Variants in DACH2 observed in about 807,000 individuals in gnomAD.
The protein encoded by DACH2 is dachshund homolog 2.
In DACH2, 17 loss-of-function variants were observed where a neutral mutation model predicts 35.8. That is an observed-to-expected ratio of 0.48 (90% CI 0.33 to 0.71). DACH2 has a LOEUF of 0.71. DACH2 is among the 30% of genes least tolerant of loss of function. DACH2 has a pLI of 0.02. For missense variants in DACH2, 469 were observed against 472.7 expected, an observed-to-expected ratio of 0.99 and a Z score of 0.07; for synonymous variants, 195 against 177.3, an observed-to-expected ratio of 1.10 and a Z score of -0.79.
intron 5 of DACH2, among the ~76,000 whole-genome samples, chrX:86,697,180 A>C (rs2148445905): frequency 8.9e-6 from 1 of 111,928 alleles, no homozygotes. Context: ...ATAAGATTAT[A>C]GAATGTTTGT....
intron 3 of DACH2, among the ~76,000 whole-genome samples, chrX:86,564,287 TCAAA>T (rs984346144): frequency 8.9e-4 from 99 of 111,542 alleles, no homozygotes; most frequent in African/African-American, 3.1e-3. Context: ...ATATTTTTTC[TCAAA>T]CAAAACAACT....
chrX:86,401,418 T>C (rs748397597), intron 2 of DACH2, among the ~76,000 whole-genome samples: 68 of 112,263 alleles, frequency 6.1e-4, no homozygotes, highest in African/African-American at 2.1e-3. Context: ...CCCAGTGAGA[T>C]GAACCCGGTA....
intron 3 of DACH2, among the ~76,000 whole-genome samples, chrX:86,534,338 A>G (rs1313980091): frequency 8.9e-6 from 1 of 112,202 alleles, no homozygotes; most frequent in Non-Finnish European, 1.9e-5. Flanking sequence ...TGTATGAACT[A>G]TTTCTGTTCA....
At chrX:86,547,345 A>G (rs963288344) in intron 3 of DACH2, among the ~76,000 whole-genome samples, 1 of 111,998 alleles carries the variant, frequency 8.9e-6, no homozygotes, top group South Asian at 3.7e-4. Context: ...ATGTATCTCT[A>G]ACAGATAGAA....
chrX:86,430,435 C>A (rs1055658118), intron 2 of DACH2, among the ~76,000 whole-genome samples: 2 of 112,390 alleles, frequency 1.8e-5, no homozygotes, highest in African/African-American at 6.4e-5. Flanking sequence ...ATTAACTTAG[C>A]TGATTAATTA....
At position 86,227,277 on chromosome X, in the gene DACH2, A is replaced by G. The variant is rs757917505; in HGVS notation, c.488+78169A>G. 3.6e-5 allele frequency among the ~76,000 whole-genome samples: 4 copies of G among 111,864 alleles called. 1 individual carries two copies. In the South Asian group the frequency reaches 1.5e-3, roughly 41 times the overall value. ...TGCCTTTTTACTACCGATTAGGGATACATGAAATATGCCATGCTGGTTTAC... is the reference window on the plus strand; with the variant it reads ...TGCCTTTTTACTACCGATTAGGGATGCATGAAATATGCCATGCTGGTTTAC... On this transcript the variant is annotated intron_variant, in intron 1 of 11. Coordinates refer to ENST00000373125, the MANE Select transcript of DACH2 (RefSeq NM_053281.3).
rs2036578427 is a variant in DACH2, at chrX:86,409,579, T to C, written c.527+32717T>C. On this transcript the variant is annotated intron_variant, in intron 2 of 11. Transcript: ENST00000373125. ...CTGCTCCTACATTCACCATGTGACA[T>C]ACCTGCTCCCCCTTTGCCATCCATC... Among the ~76,000 whole-genome samples the C allele has an allele frequency of 2.7e-5, 3 of 111,035 alleles. No homozygotes were observed. The South Asian group carries it at 1.1e-3, about 42-fold the overall frequency.
Position 86,200,620 on chromosome X carries a change from G to A in DACH2, c.488+51512G>A, listed in dbSNP as rs1243197748. On this transcript the variant is annotated intron_variant, in intron 1 of 11. Transcript: ENST00000373125. ...ACAACCCCATTGAAAAGTGGGTAAA[G>A]GACATGAACTTTTCCAAAAAAAAAA... Among the ~76,000 whole-genome samples, 4 of 78,740 alleles carry A rather than the reference G, an allele frequency of 5.1e-5. No homozygotes were observed. The South Asian group carries it at 2.2e-3, about 42-fold the overall frequency. The allele number at this position is 78,740 out of a possible 115,157, so 68.4% of individuals were successfully genotyped here.
chrX:86,806,920 G>A (rs950205171), intron 7 of DACH2, among the ~76,000 whole-genome samples: 5 of 111,646 alleles, frequency 4.5e-5, no homozygotes, highest in African/African-American at 9.8e-5. Context: ...AGTGGTGATC[G>A]GGGGTGAAGG....
chrX:86,742,964 T>C (rs1448165898), intron 7 of DACH2, among the ~76,000 whole-genome samples: 1 of 111,444 alleles, frequency 9.0e-6, no homozygotes, highest in East Asian at 2.8e-4. Flanking sequence ...AAACTTTATC[T>C]TAAGCCCTCT....
chrX:86,669,567 A>G (rs528503377), intron 4 of DACH2, among the ~76,000 whole-genome samples: 1 of 111,773 alleles, frequency 8.9e-6, no homozygotes, highest in South Asian at 3.7e-4. Context: ...CGGTATTAGA[A>G]GAAACTAAGG....
At chrX:86,613,032 C>A (rs767371817) in intron 3 of DACH2, among the ~76,000 whole-genome samples, 2 of 112,039 alleles carry the variant, frequency 1.8e-5, no homozygotes, top group South Asian at 3.7e-4. Context: ...GTTTTTCTGG[C>A]TAAATATCTA....
At chrX:86,377,350 T>A (rs1440120190) in intron 2 of DACH2, among the ~76,000 whole-genome samples, 1 of 111,595 alleles carries the variant, frequency 9.0e-6, no homozygotes, top group African/African-American at 3.2e-5. Flanking sequence ...CAGATATGTG[T>A]TGTAGGCATG....
intron 6 of DACH2, among the ~76,000 whole-genome samples, chrX:86,720,343 A>G (rs773504568): frequency 1.8e-5 from 2 of 111,533 alleles, no homozygotes; most frequent in Non-Finnish European, 3.8e-5. Flanking sequence ...ATGAGTCTGT[A>G]AAATGAAAAG....
At chrX:86,447,127 C>CT (rs1248103288) in intron 2 of DACH2, among the ~76,000 whole-genome samples, 6 of 99,362 alleles carry the variant, frequency 6.0e-5, no homozygotes, top group Non-Finnish European at 1.2e-4. Flanking sequence ...CCTTTGCCCA[C>CT]TTTTTGATGG....
At chrX:86,796,849 C>T (rs760661294) in intron 7 of DACH2, among the ~76,000 whole-genome samples, 17 of 111,498 alleles carry the variant, frequency 1.5e-4, no homozygotes, top group Non-Finnish European at 3.2e-4. Flanking sequence ...GTTCCAAAAC[C>T]TCTGGTAGTT....
At chrX:86,460,513 A>G (rs1467244331) in intron 2 of DACH2, among the ~76,000 whole-genome samples, 3 of 110,936 alleles carry the variant, frequency 2.7e-5, no homozygotes, top group Non-Finnish European at 5.7e-5. Context: ...GTGAATAAAT[A>G]TACAATTATA....
intron 1 of DACH2, among the ~76,000 whole-genome samples, chrX:86,254,807 TAGAGAGAGAG>T (rs755869488): frequency 4.0e-5 from 2 of 49,650 alleles, no homozygotes; most frequent in African/African-American, 2.3e-4. Flanking sequence ...TATATATATA[TAGAGAGAGAG>T]AGAGAGAGAG....
intron 1 of DACH2, among the ~76,000 whole-genome samples, chrX:86,306,502 T>C (rs2034691327): frequency 8.9e-6 from 1 of 111,793 alleles, no homozygotes; most frequent in Non-Finnish European, 1.9e-5. Flanking sequence ...GAGATTAACA[T>C]TTGAGTCAGT....
Sources: gnomAD v4.1 joint callset for allele counts (sites outside exome capture counted in the v4.1 genomes callset) on GRCh38, gnomAD v4.1.1 for gene constraint, MANE v1.5 for transcripts, NCBI Gene and HGNC (gene_info 2026-07-23, HGNC 2026-07-21) for gene names.